HPSE2: variants seen among roughly 807,000 people sequenced by gnomAD.
HPSE2 encodes inactive heparanase-2.
In HPSE2, 38 loss-of-function variants were observed where a neutral mutation model predicts 60.5. The ratio of observed to expected loss-of-function variants is 0.63; its 90% CI spans 0.48 to 0.82. HPSE2 has a LOEUF of 0.82. Among genes scored for constraint, HPSE2 ranks in the 40% least tolerant of loss-of-function variants. The probability of loss-of-function intolerance (pLI) is 0.00; values close to 1 mark genes in which losing one functional copy is unlikely to be tolerated. For missense variants in HPSE2, 713 were observed against 740.4 expected (o/e 0.96, Z 0.43); for synonymous variants, 295 against 293.2 (o/e 1.01, Z -0.06).
At chr10:98,888,511 C>T (rs73332027) in intron 3 of HPSE2, among the ~76,000 whole-genome samples, 2,908 of 152,236 alleles carry the variant, frequency 0.019, 103 homozygotes, top group East Asian at 0.15. Flanking sequence ...ATCTCACCTC[C>T]TAATTACCTG....
chr10:98,959,195 G>A (rs746260068), intron 3 of HPSE2, among the ~76,000 whole-genome samples: 47 of 151,972 alleles, frequency 3.1e-4, no homozygotes, highest in Non-Finnish European at 5.9e-4. Flanking sequence ...CTAATGGAGT[G>A]CTTTCATTAT....
At chr10:99,066,296 T>C (rs1034757290) in intron 3 of HPSE2, among the ~76,000 whole-genome samples, 9 of 152,190 alleles carry the variant, frequency 5.9e-5, no homozygotes, top group Non-Finnish European at 1.3e-4. Flanking sequence ...TAGTTTTAAA[T>C]GGCTCTATTA....
the HPSE2 span, among the ~76,000 whole-genome samples, chr10:99,248,976 A>G: frequency 1.3e-5 from 2 of 152,202 alleles, no homozygotes; most frequent in Non-Finnish European, 2.9e-5. Flanking sequence ...GGAAACCTTG[A>G]GCTAGATTTC....
chr10:98,591,090 T>C (rs1945076771), intron 9 of HPSE2, among the ~76,000 whole-genome samples: 1 of 149,308 alleles, frequency 6.7e-6, no homozygotes, highest in South Asian at 2.2e-4. Context: ...GCTATATACA[T>C]TTATTTAGAT....
intron 3 of HPSE2, among the ~76,000 whole-genome samples, chr10:98,958,134 T>G (rs1955555551): frequency 1.3e-5 from 2 of 152,150 alleles, no homozygotes; most frequent in African/African-American, 4.8e-5. Context: ...GTGAACAAAA[T>G]AATGCCCTAT....
At chr10:99,234,787 G>T (rs1201284451) in intron 1 of HPSE2, among the ~76,000 whole-genome samples, 3 of 151,710 alleles carry the variant, frequency 2.0e-5, no homozygotes, top group African/African-American at 7.3e-5. Context: ...CCCCAGCGAG[G>T]ATTTTTTTTT....
chr10:99,289,174 T>G, the HPSE2 span, among the ~76,000 whole-genome samples: 3 of 152,134 alleles, frequency 2.0e-5, no homozygotes, highest in African/African-American at 7.2e-5. Context: ...CAGCTGATGT[T>G]TGAAACCATC....
At chr10:98,583,938 A>G (rs890476781) in intron 9 of HPSE2, among the ~76,000 whole-genome samples, 7 of 152,160 alleles carry the variant, frequency 4.6e-5, no homozygotes, top group African/African-American at 1.7e-4. Context: ...TCCACTTTTT[A>G]GCAACTGTGA....
At chr10:99,312,376 C>T in the HPSE2 span, among the ~76,000 whole-genome samples, 15 of 152,296 alleles carry the variant, frequency 9.8e-5, no homozygotes, top group South Asian at 2.1e-4. Context: ...ATACAGCCGG[C>T]GACTTTAGGC....
chr10:99,040,864 A>C (rs923393006), intron 3 of HPSE2, among the ~76,000 whole-genome samples: 2 of 152,168 alleles, frequency 1.3e-5, no homozygotes, highest in Non-Finnish European at 2.9e-5. Flanking sequence ...AGGCGAGCGG[A>C]TCACAAGATC....
intron 3 of HPSE2, among the ~76,000 whole-genome samples, chr10:98,828,393 A>G (rs1203643311): frequency 1.3e-5 from 2 of 152,208 alleles, no homozygotes; most frequent in Non-Finnish European, 2.9e-5. Context: ...GAGCCTGGCT[A>G]GAACTCATAA....
chr10:98,947,229 T>C lies in HPSE2; in HGVS notation c.610+197009A>G, dbSNP rs2093935656. On this transcript the variant is annotated intron_variant, in intron 3 of 11. Transcript: ENST00000370552. Reference sequence around the variant, plus strand: ...AGCTATTCCAGAAAGTGTGAAAACCTTGCAAAATTTTTGCAAAATACCTTC... The same window carrying C: ...AGCTATTCCAGAAAGTGTGAAAACCCTGCAAAATTTTTGCAAAATACCTTC... 2.0e-5 allele frequency among the ~76,000 whole-genome samples: 3 copies of C among 152,272 alleles called. No individual in the cohort carries two copies. In the South Asian group the frequency reaches 6.2e-4, roughly 32 times the overall value.
At chr10:99,276,790 G>A in the HPSE2 span, among the ~76,000 whole-genome samples, 2 of 152,066 alleles carry the variant, frequency 1.3e-5, no homozygotes, top group East Asian at 3.8e-4. Context: ...TTCTACAGAA[G>A]TACCCTAGTA....
intron 3 of HPSE2, among the ~76,000 whole-genome samples, chr10:98,940,913 G>A (rs1376013686): frequency 1.5e-5 from 2 of 130,750 alleles, no homozygotes; most frequent in Admixed American, 7.7e-5. Context: ...TCCCTGGGAT[G>A]CAAGGCTGGT....
chr10:99,038,731 G>A (rs1335116524), intron 3 of HPSE2, among the ~76,000 whole-genome samples: 6 of 152,098 alleles, frequency 3.9e-5, no homozygotes, highest in Non-Finnish European at 8.8e-5. Flanking sequence ...ACTAACTCGG[G>A]AAGCCGGGTG....
intron 9 of HPSE2, among the ~76,000 whole-genome samples, chr10:98,514,154 T>A (rs10883114): frequency 0.51 from 76,874 of 151,978 alleles, 21,797 homozygotes; most frequent in South Asian, 0.66. Context: ...GAAAACATGC[T>A]AAGTGAAATA....
chr10:98,870,186 C>T (rs756158284), intron 3 of HPSE2, among the ~76,000 whole-genome samples: 4 of 152,022 alleles, frequency 2.6e-5, no homozygotes, highest in South Asian at 4.2e-4. Flanking sequence ...AAAATTGAAC[C>T]CAGGAATCCA....
chr10:99,269,287 G>A, the HPSE2 span, among the ~76,000 whole-genome samples: 3 of 152,086 alleles, frequency 2.0e-5, no homozygotes, highest in African/African-American at 7.2e-5. Flanking sequence ...GACACTGAAA[G>A]TAAGCAGAAG....
chr10:99,266,910 C>T, the HPSE2 span, among the ~76,000 whole-genome samples: 1 of 152,154 alleles, frequency 6.6e-6, no homozygotes, highest in Non-Finnish European at 1.5e-5. Flanking sequence ...ACAATCACTA[C>T]AGTTCAGCTC....
Sources: allele counts gnomAD v4.1 joint callset (sites outside exome capture counted in the v4.1 genomes callset), GRCh38; gene constraint gnomAD v4.1.1; transcripts MANE v1.5; gene names NCBI Gene and HGNC (gene_info 2026-07-23, HGNC 2026-07-21).